FAT3: variants seen among roughly 807,000 people sequenced by gnomAD.
The protein encoded by FAT3 is protocadherin Fat 3.
A neutral mutation model predicts 310.2 loss-of-function variants in FAT3; 95 were observed. That is an observed-to-expected ratio of 0.31 (90% CI 0.26 to 0.36). The LOEUF is 0.36. Ranked by LOEUF, FAT3 falls within the 10% of genes least tolerant of loss-of-function variation. The probability of loss-of-function intolerance (pLI) is 1.00; values close to 1 mark genes in which losing one functional copy is unlikely to be tolerated. For synonymous variants in FAT3, 2,314 were observed against 2,192.9 expected, an observed-to-expected ratio of 1.06 and a Z score of -1.54; for missense variants, 5,408 against 5,715.6, an observed-to-expected ratio of 0.95 and a Z score of 1.74.
intron 3 of FAT3, among the ~76,000 whole-genome samples, chr11:92,582,637 G>A (rs1017649016): frequency 2.1e-4 from 32 of 152,068 alleles, no homozygotes; most frequent in African/African-American, 7.5e-4. Flanking sequence ...AAATCTGCTG[G>A]TCTGCAGAGG....
rs762737915 is a variant in FAT3, at chr11:92,801,456, G to A, written c.8443G>A (p.Glu2815Lys). Residue 2815 changes from glutamate to lysine, a missense_variant, in exon 10 of 28, where the codon GAA becomes AAA. Glu to Lys is a moderately conservative substitution (Grantham distance 56). Around this residue, in one of 5 missense-constraint regions of FAT3, gnomAD observed 4,588 missense variants for 4,809.8 expected, o/e 0.95. Transcript: ENST00000525166. ...TTTGAATGACAACAAGCCAGTCTTTGAAACTTCAAGCTATGACACCATTAT... is the reference window on the plus strand; with the variant it reads ...TTTGAATGACAACAAGCCAGTCTTTAAAACTTCAAGCTATGACACCATTAT... ...LDLNDNKPVFETSSYDTIIME... is the reference protein window; with the variant it reads ...LDLNDNKPVFKTSSYDTIIME... The A allele has an allele frequency of 6.8e-6, 11 of 1,613,702 alleles. No homozygotes were observed. In the South Asian group the frequency reaches 1.2e-4, roughly 18 times the overall value.
At chr11:92,303,615 G>T (rs936784389) in intron 1 of FAT3, among the ~76,000 whole-genome samples, 1 of 152,110 alleles carries the variant, frequency 6.6e-6, no homozygotes, top group Non-Finnish European at 1.5e-5. Flanking sequence ...AGGTCTTTGA[G>T]ATTCTGGCCA....
intron 3 of FAT3, chr11:92,559,542 G>A: frequency 3.4e-6 from 1 of 294,972 alleles, no homozygotes; most frequent in Non-Finnish European, 6.8e-6. Flanking sequence ...GCACCGCCAT[G>A]CCCAGCTACT....
Position 92,798,578 on chromosome 11 carries a change from CAG to C in FAT3, c.5566_5567del (p.Ser1856TrpfsTer2), listed in dbSNP as rs1249846171. 6.2e-7 allele frequency: 1 copy of C among 1,613,584 alleles called. No homozygotes were observed. Among genetic ancestry groups the C allele is most frequent in the Non-Finnish European group, 8.5e-7 (1 of 1,179,754 alleles). ...TCCATTTTCATGTGCATGTGAGAGACAGTGGTAGCCCCCAACTGACTGCAGAG... is the reference window on the plus strand; with the variant it reads ...TCCATTTTCATGTGCATGTGAGAGACTGGTAGCCCCCAACTGACTGCAGAG... The part of the protein sequence containing the change: ...HFHFHVHVRD[S>X]GSPQLTAESP... On this transcript the variant is annotated frameshift_variant, in exon 10 of 28. Transcript: ENST00000525166. LOFTEE classifies it high-confidence loss of function.
Position 92,831,718 on chromosome 11 carries a change from T to A in FAT3, c.9578T>A (p.Leu3193Gln). Residue 3193 changes from leucine (L) to glutamine (Q), a missense_variant, in exon 14 of 28, where the codon CTG (leucine) becomes CAG (glutamine). Coordinates refer to ENST00000525166, the MANE Select transcript of FAT3 (RefSeq NM_001367949.2). The stretch of plus-strand genomic sequence containing the variant: ...GGCATCATCATCCTGGAGCAGCCAC[T>A]GGACCGTGAGCAGCAGTCTTCGTAC... ...SSGIIILEQPLDREQQSSYNI... is the reference protein window; with the variant it reads ...SSGIIILEQPQDREQQSSYNI... 2 of 1,613,668 alleles carry A rather than the reference T, an allele frequency of 1.2e-6. No homozygotes were observed. The highest frequency in any genetic ancestry group is 1.7e-6 in the Non-Finnish European group (2 of 1,179,790).
intron 1 of FAT3, among the ~76,000 whole-genome samples, chr11:92,325,287 G>A (rs538538701): frequency 2.0e-4 from 31 of 152,238 alleles, no homozygotes; most frequent in Admixed American, 5.2e-4. Flanking sequence ...GCTTCCTTTG[G>A]CTAGAGCTAC....
At chr11:92,318,637 G>A (rs1947529204) in intron 1 of FAT3, among the ~76,000 whole-genome samples, 1 of 152,166 alleles carries the variant, frequency 6.6e-6, no homozygotes, top group Non-Finnish European at 1.5e-5. Flanking sequence ...GAGAACACAG[G>A]AATCATAATT....
chr11:92,774,603 C>G (rs1946549446), intron 7 of FAT3, among the ~76,000 whole-genome samples: 1 of 152,140 alleles, frequency 6.6e-6, no homozygotes, highest in Admixed American at 6.5e-5. Context: ...CATTTATAGA[C>G]TTAGATAAGC....
intron 3 of FAT3, among the ~76,000 whole-genome samples, chr11:92,616,104 G>T (rs945994929): frequency 1.3e-5 from 2 of 152,166 alleles, no homozygotes; most frequent in African/African-American, 4.8e-5. Flanking sequence ...GTTATTGTGT[G>T]AGAGTCTAAG....
intron 3 of FAT3, among the ~76,000 whole-genome samples, chr11:92,542,253 A>C (rs1954472734): frequency 6.6e-6 from 1 of 152,112 alleles, no homozygotes. Flanking sequence ...AAACATAGGG[A>C]AAATGTTCAT....
At chr11:92,340,141 C>T (rs1022551723) in intron 1 of FAT3, among the ~76,000 whole-genome samples, 1 of 144,444 alleles carries the variant, frequency 6.9e-6, no homozygotes, top group African/African-American at 2.6e-5. Flanking sequence ...AAAAGCCAGG[C>T]TCAAATTTGG....
At chr11:92,390,133 T>C (rs1462382417) in intron 2 of FAT3, among the ~76,000 whole-genome samples, 1 of 152,080 alleles carries the variant, frequency 6.6e-6, no homozygotes, top group Non-Finnish European at 1.5e-5. Context: ...AAAGGGCTCC[T>C]GAAATAAAAA....
chr11:92,838,363 A>G (rs1382201348), intron 17 of FAT3, among the ~76,000 whole-genome samples: 1 of 152,224 alleles, frequency 6.6e-6, no homozygotes. Flanking sequence ...AACACTTTAA[A>G]TCCACCTGCT....
intron 1 of FAT3, among the ~76,000 whole-genome samples, chr11:92,324,092 C>T (rs1394846918): frequency 6.6e-6 from 1 of 152,202 alleles, no homozygotes; most frequent in Non-Finnish European, 1.5e-5. Context: ...CTGGATTAGA[C>T]TTTGGCTTAA....
chr11:92,412,742 T>TACACAC (rs1950317079), intron 2 of FAT3, among the ~76,000 whole-genome samples: 4 of 58,904 alleles, frequency 6.8e-5, no homozygotes, highest in South Asian at 4.5e-4. Context: ...TATATATATA[T>TACACAC]ATAAATATAC....
Position 92,840,668 on chromosome 11 carries a change from A to G in FAT3, c.10475A>G (p.Glu3492Gly), listed in dbSNP as rs759619795. The change falls in exon 18 of 28, where the codon GAG becomes GGG. Residue 3492 changes from glutamate to glycine, a missense_variant. Physicochemically the swap from Glu to Gly is moderately conservative, Grantham distance 98. Around this residue, in one of 5 missense-constraint regions of FAT3, gnomAD observed 4,588 missense variants for 4,809.8 expected, o/e 0.95. Transcript: ENST00000525166. ...FSFSILSGNEEEEFVLDPHGI... is the reference protein window; with the variant it reads ...FSFSILSGNEGEEFVLDPHGI... ...TTCTCTATTTTGTCGGGAAATGAAG[A>G]GGAGGAGTTTGTGTTGGACCCTCAT... 9.9e-6 allele frequency: 16 copies of G among 1,613,256 alleles called. No homozygotes were observed. The highest frequency in any genetic ancestry group is 1.4e-5 in the Non-Finnish European group (16 of 1,179,324).
chr11:92,830,163 C>G (rs1024461291), intron 13 of FAT3, among the ~76,000 whole-genome samples: 4 of 152,214 alleles, frequency 2.6e-5, no homozygotes, highest in African/African-American at 9.6e-5. Flanking sequence ...GCCCACAAAG[C>G]TGTTACAATT....
intron 2 of FAT3, among the ~76,000 whole-genome samples, chr11:92,499,723 A>ATGTGTGTGTGTATG (rs1555067140): frequency 3.1e-5 from 4 of 127,830 alleles, no homozygotes; most frequent in Admixed American, 8.7e-5. Context: ...ATGTGTGTGT[A>ATGTGTGTGTGTATG]TGTGTGTGTG....
chr11:92,504,303 C>CTT (rs1335929255), intron 2 of FAT3, among the ~76,000 whole-genome samples: 1 of 152,076 alleles, frequency 6.6e-6, no homozygotes, highest in Admixed American at 6.6e-5. Flanking sequence ...TTCCACCCAT[C>CTT]TTTTTTTCAA....
Sources: allele counts gnomAD v4.1 joint callset (sites outside exome capture counted in the v4.1 genomes callset), GRCh38; gene constraint gnomAD v4.1.1; regional missense constraint gnomAD v4.1.1; transcripts MANE v1.5; gene names NCBI Gene and HGNC (gene_info 2026-07-23, HGNC 2026-07-21).